IQSEC3: variants seen among roughly 807,000 people sequenced by gnomAD.
The protein encoded by IQSEC3 is IQ motif and SEC7 domain-containing protein 3.
IQSEC3 carries 50 observed loss-of-function variants against 105.4 expected under a neutral mutation model. That is an observed-to-expected ratio of 0.47 (90% CI 0.38 to 0.60). The LOEUF (loss-of-function observed/expected upper bound fraction) is 0.60. IQSEC3 is among the 20% of genes least tolerant of loss of function. The pLI is 0.00. For synonymous variants in IQSEC3, 708 were observed against 746.0 expected, an observed-to-expected ratio of 0.95 and a Z score of 0.83; for missense variants, 1,415 against 1,630.0, an observed-to-expected ratio of 0.87 and a Z score of 2.27.
intron 7 of IQSEC3, 84 bp downstream of exon 7, chr12:157,778 C>A: frequency 7.0e-7 from 1 of 1,430,400 alleles, no homozygotes; most frequent in Non-Finnish European, 9.5e-7. Flanking sequence ...TGAGTCTGAG[C>A]CCCTATCACA....
chr12:164,173 G>A (rs1867060289), intron 9 of IQSEC3, among the ~76,000 whole-genome samples: 1 of 152,174 alleles, frequency 6.6e-6, no homozygotes, highest in African/African-American at 2.4e-5. Flanking sequence ...TGGTGAGCAG[G>A]ACTGGAGCAG....
chr12:86,255 G>C (rs140906420), intron 1 of IQSEC3, among the ~76,000 whole-genome samples: 106 of 152,314 alleles, frequency 7.0e-4, no homozygotes, highest in Non-Finnish European at 1.2e-3. Context: ...AGGCTTTGTG[G>C]GAGGAATGTC....
chr12:167,801 CAAGT>C (rs1814745359), intron 11 of IQSEC3: 1 of 152,154 alleles, frequency 6.6e-6, no homozygotes, highest in African/African-American at 2.4e-5. Flanking sequence ...CATCATTTTA[CAAGT>C]AAGGAAACAG....
At chr12:85,303 A>G (rs1863881621) in intron 1 of IQSEC3, among the ~76,000 whole-genome samples, 2 of 152,296 alleles carry the variant, frequency 1.3e-5, no homozygotes, top group South Asian at 4.1e-4. Context: ...AATGGCTTTG[A>G]TCCGTCCTTT....
intron 4 of IQSEC3, 126 bp downstream of exon 4, chr12:139,480 G>T: frequency 1.4e-6 from 1 of 716,496 alleles, no homozygotes. Flanking sequence ...GGTCCTCCAG[G>T]CAGGCGCATC....
At chr12:116,516 G>C (rs566369747) in intron 2 of IQSEC3, among the ~76,000 whole-genome samples, 24 of 152,364 alleles carry the variant, frequency 1.6e-4, no homozygotes, top group Non-Finnish European at 3.1e-4. Flanking sequence ...AGGCCACAAA[G>C]GGCTGGGGTG....
intron 1 of IQSEC3, among the ~76,000 whole-genome samples, chr12:79,425 A>G (rs1048613933): frequency 3.3e-5 from 5 of 152,146 alleles, no homozygotes; most frequent in African/African-American, 1.2e-4. Flanking sequence ...ATTTGCTTTT[A>G]ATGTAATTCA....
chr12:163,480 C>T lies in IQSEC3; in HGVS notation c.2584-14C>T, dbSNP rs1345011912. 1.9e-6 allele frequency: 3 copies of T among 1,595,338 alleles called. No homozygotes were observed. The highest frequency in any genetic ancestry group is 2.6e-6 in the Non-Finnish European group (3 of 1,169,290). ...CCTCTGGTCTCTCCCGCTGAGCGCCCTGCCCGCGTGCAGGTGCTGTCCGTG... is the reference window on the plus strand; with the variant it reads ...CCTCTGGTCTCTCCCGCTGAGCGCCTTGCCCGCGTGCAGGTGCTGTCCGTG... On this transcript the variant is annotated splice_polypyrimidine_tract_variant and intron_variant, in intron 8 of 13. Coordinates refer to ENST00000538872, the MANE Select transcript of IQSEC3 (RefSeq NM_001170738.2).
At chr12:108,414 A>G (rs1360873658) in intron 2 of IQSEC3, among the ~76,000 whole-genome samples, 1 of 152,172 alleles carries the variant, frequency 6.6e-6, no homozygotes, top group Non-Finnish European at 1.5e-5. Flanking sequence ...TGGGTAATCT[A>G]CCTTTTTCTC....
At chr12:133,343 G>C (rs945727771) in intron 3 of IQSEC3, among the ~76,000 whole-genome samples, 6 of 152,224 alleles carry the variant, frequency 3.9e-5, no homozygotes, top group African/African-American at 1.4e-4. Context: ...GCACACGTAG[G>C]GGTTTTGTGG....
chr12:96,466 A>G (rs1342418536), intron 1 of IQSEC3, among the ~76,000 whole-genome samples: 2 of 152,228 alleles, frequency 1.3e-5, no homozygotes, highest in Non-Finnish European at 2.9e-5. Context: ...TCTCTACAGA[A>G]TGTAGATTTT....
chr12:157,904 A>T (rs1866751514), intron 7 of IQSEC3, among the ~76,000 whole-genome samples: 1 of 152,220 alleles, frequency 6.6e-6, no homozygotes, highest in Non-Finnish European at 1.5e-5. Context: ...GCTCTACCAA[A>T]CAGCAAGCGC....
At chr12:129,553 C>T (rs1454212010) in intron 3 of IQSEC3, among the ~76,000 whole-genome samples, 13 of 152,230 alleles carry the variant, frequency 8.5e-5, no homozygotes, top group African/African-American at 3.1e-4. Context: ...GGGGATACAA[C>T]CTAGGGCAGG....
chr12:141,931 C>T (rs540924446), intron 5 of IQSEC3: 1 of 152,402 alleles, frequency 6.6e-6, no homozygotes, highest in East Asian at 1.9e-4. Flanking sequence ...AGGCAAGAGT[C>T]TCTTCACACT....
chr12:146,840 G>A (rs942556974), intron 5 of IQSEC3, among the ~76,000 whole-genome samples: 1 of 152,114 alleles, frequency 6.6e-6, no homozygotes, highest in Non-Finnish European at 1.5e-5. Context: ...GCACCAGAAG[G>A]CTGGAAGGAG....
rs1186156484 is a variant in IQSEC3, at chr12:126,052, C to T, written c.903+140C>T. Reference sequence around the variant, plus strand: ...TTTGCCACAGTTCTCCTGCATTGAGCGACCTAGTTTGCCCTTCCCTGGACC... The same window carrying T: ...TTTGCCACAGTTCTCCTGCATTGAGTGACCTAGTTTGCCCTTCCCTGGACC... On this transcript the variant is annotated intron_variant, in intron 3 of 13. Coordinates refer to ENST00000538872, the MANE Select transcript of IQSEC3 (RefSeq NM_001170738.2). The T allele has an allele frequency of 3.3e-5, 31 of 933,318 alleles. No individual in the cohort carries two copies. The East Asian group carries it at 4.5e-4, about 14-fold the overall frequency. The allele number at this position is 933,318 out of a possible 1,614,324, so 57.8% of individuals were successfully genotyped here.
chr12:131,194 C>A (rs180778906), intron 3 of IQSEC3, among the ~76,000 whole-genome samples: 4 of 152,174 alleles, frequency 2.6e-5, no homozygotes, highest in Non-Finnish European at 5.9e-5. Flanking sequence ...ATTAGAGAGA[C>A]GGAGGCCCCC....
intron 3 of IQSEC3, among the ~76,000 whole-genome samples, chr12:126,727 T>C (rs1591687580): frequency 1.3e-5 from 2 of 152,254 alleles, no homozygotes; most frequent in Admixed American, 1.3e-4. Context: ...TTTCCTCATC[T>C]GCAAAAAAAT....
chr12:110,850 C>T (rs1457658735), intron 2 of IQSEC3, among the ~76,000 whole-genome samples: 2 of 152,174 alleles, frequency 1.3e-5, no homozygotes, highest in African/African-American at 2.4e-5. Flanking sequence ...CTCTCTGTCC[C>T]GTAGAGACTT....
Sources: gnomAD v4.1 joint callset for allele counts (sites outside exome capture counted in the v4.1 genomes callset) on GRCh38, gnomAD v4.1.1 for gene constraint, MANE v1.5 for transcripts, NCBI Gene and HGNC (gene_info 2026-07-23, HGNC 2026-07-21) for gene names.